RPS6KC1: variants seen among roughly 807,000 people sequenced by gnomAD.
RPS6KC1 encodes the protein ribosomal protein S6 kinase C1.
In RPS6KC1, 54 loss-of-function variants were observed where a neutral mutation model predicts 103.8. The observed-to-expected ratio is 0.52, with a 90% CI of 0.42 to 0.65. The LOEUF (loss-of-function observed/expected upper bound fraction) is 0.65, where lower values mean the gene tolerates loss of function less well. RPS6KC1 is among the 30% of genes least tolerant of loss of function. RPS6KC1 has a pLI of 0.00. For missense variants in RPS6KC1, 1,151 were observed against 1,253.8 expected (o/e 0.92, Z 1.24); for synonymous variants, 439 against 438.7 (o/e 1.00, Z -0.01).
chr1:213,464,213 C>A, the RPS6KC1 span, among the ~76,000 whole-genome samples: 2 of 152,158 alleles, frequency 1.3e-5, no homozygotes, highest in African/African-American at 4.8e-5. Context: ...TTCATAAAAT[C>A]AGTTTAGTAG....
At chr1:213,552,591 A>G in the RPS6KC1 span, among the ~76,000 whole-genome samples, 1 of 152,112 alleles carries the variant, frequency 6.6e-6, no homozygotes, top group South Asian at 2.1e-4. Flanking sequence ...TATTTGGGTA[A>G]CCTTTATTAA....
the RPS6KC1 span, among the ~76,000 whole-genome samples, chr1:213,828,690 C>T: frequency 6.6e-6 from 1 of 152,104 alleles, no homozygotes; most frequent in African/African-American, 2.4e-5. Context: ...TGGCCCAACC[C>T]CTCACACTGG....
Position 213,274,175 on chromosome 1 carries a change from A to G in RPS6KC1, c.*1541A>G, listed in dbSNP as rs2095098168. 6.6e-6 allele frequency: 1 copy of G among 152,236 alleles called. No individual in the cohort carries two copies. The highest frequency in any genetic ancestry group is 1.5e-5 in the Non-Finnish European group (1 of 68,052). The allele number at this position is 152,236 out of a possible 1,614,324, so 9.4% of individuals were successfully genotyped here. A position where few individuals can be genotyped will look rare whatever the true frequency, so the allele number is the denominator to read the frequency against. Reference sequence around the variant, plus strand: ...ACACCAGGTTGGGGAGCAGGTCACCAGGATCATAGTTCAGTCAAAATGACA... The same window carrying G: ...ACACCAGGTTGGGGAGCAGGTCACCGGGATCATAGTTCAGTCAAAATGACA... On this transcript the variant is annotated 3_prime_UTR_variant, in exon 15 of 15. Coordinates refer to ENST00000366960, the MANE Select transcript of RPS6KC1 (RefSeq NM_012424.6).
chr1:213,525,902 G>A, the RPS6KC1 span, among the ~76,000 whole-genome samples: 1 of 152,202 alleles, frequency 6.6e-6, no homozygotes, highest in African/African-American at 2.4e-5. Context: ...TAAGAGGACA[G>A]AAAGTGGAAA....
At chr1:213,425,973 A>G in the RPS6KC1 span, among the ~76,000 whole-genome samples, 63,474 of 151,956 alleles carry the variant, frequency 0.42, 13,922 homozygotes, top group East Asian at 0.56. Flanking sequence ...GGTGTCCTCG[A>G]GAGAGAATAA....
chr1:213,349,972 C>T, the RPS6KC1 span, among the ~76,000 whole-genome samples: 1 of 152,146 alleles, frequency 6.6e-6, no homozygotes, highest in Non-Finnish European at 1.5e-5. Context: ...CTGTCTCACC[C>T]AACTCATGGC....
At chr1:213,456,681 C>T in the RPS6KC1 span, among the ~76,000 whole-genome samples, 1 of 152,156 alleles carries the variant, frequency 6.6e-6, no homozygotes, top group South Asian at 2.1e-4. Flanking sequence ...TTTAATTTGC[C>T]TATTAAAATG....
chr1:213,833,841 T>C, the RPS6KC1 span, among the ~76,000 whole-genome samples: 1 of 152,232 alleles, frequency 6.6e-6, no homozygotes, highest in East Asian at 1.9e-4. Flanking sequence ...ACCATGTGGG[T>C]GGAAAACTTT....
the RPS6KC1 span, among the ~76,000 whole-genome samples, chr1:213,485,089 CTCCTGGGCTCAAGCAATCCTCCCA>C: frequency 1.3e-5 from 2 of 152,174 alleles, no homozygotes; most frequent in Non-Finnish European, 2.9e-5. Flanking sequence ...TGGTCTTGAA[CTCCTGGGCTCAAGCAATCCTCCCA>C]TCCTGGCCTC....
the RPS6KC1 span, among the ~76,000 whole-genome samples, chr1:213,650,364 TTAAC>T: frequency 6.6e-6 from 1 of 152,164 alleles, no homozygotes; most frequent in Non-Finnish European, 1.5e-5. Context: ...TACCATGCCT[TTAAC>T]TAAATAGTCA....
the RPS6KC1 span, among the ~76,000 whole-genome samples, chr1:213,700,261 T>TGCACATAAATATCCTGTTTTCCC: frequency 1.1e-4 from 17 of 152,262 alleles, no homozygotes; most frequent in Non-Finnish European, 2.1e-4. Flanking sequence ...TTTGTTTTTC[T>TGCACATAAATATCCTGTTTTCCC]GCACATAAAT....
At chr1:213,256,640 T>C (rs1323659004) in intron 12 of RPS6KC1, among the ~76,000 whole-genome samples, 1 of 152,178 alleles carries the variant, frequency 6.6e-6, no homozygotes, top group Non-Finnish European at 1.5e-5. Flanking sequence ...ACAGGCTTCC[T>C]CTAGGGGATT....
chr1:213,810,968 G>A, the RPS6KC1 span, among the ~76,000 whole-genome samples: 1 of 152,144 alleles, frequency 6.6e-6, no homozygotes, highest in East Asian at 1.9e-4. Context: ...TTACTTCCAT[G>A]GGCAAGAATG....
At chr1:213,409,154 C>T in the RPS6KC1 span, among the ~76,000 whole-genome samples, 2 of 152,106 alleles carry the variant, frequency 1.3e-5, no homozygotes, top group Non-Finnish European at 2.9e-5. Context: ...ACTGCCTTTC[C>T]AGGGCAGGTC....
chr1:213,523,061 T>G, the RPS6KC1 span, among the ~76,000 whole-genome samples: 1 of 152,250 alleles, frequency 6.6e-6, no homozygotes, highest in Admixed American at 6.5e-5. Context: ...AAGTGAGAGA[T>G]ACACAATTTT....
At chr1:213,646,383 T>C in the RPS6KC1 span, among the ~76,000 whole-genome samples, 1 of 152,076 alleles carries the variant, frequency 6.6e-6, no homozygotes, top group Admixed American at 6.5e-5. Flanking sequence ...TAGAAGATGA[T>C]AGAAAGTAGA....
chr1:213,831,291 T>G, the RPS6KC1 span, among the ~76,000 whole-genome samples: 1 of 152,354 alleles, frequency 6.6e-6, no homozygotes. Flanking sequence ...ATTATCAAGG[T>G]TGACTCAATC....
chr1:213,077,970 C>T (rs2079500436), intron 3 of RPS6KC1, among the ~76,000 whole-genome samples, 154 bp downstream of exon 3: 1 of 151,984 alleles, frequency 6.6e-6, no homozygotes, highest in Admixed American at 6.6e-5. Context: ...TTTTCTTGTT[C>T]TTGTTATAGT....
the RPS6KC1 span, among the ~76,000 whole-genome samples, chr1:213,484,053 G>GAC: frequency 1.3e-5 from 2 of 152,114 alleles, no homozygotes; most frequent in African/African-American, 4.8e-5. Context: ...ATATAGGTGA[G>GAC]ACTCTCTCTT....
Sources: allele counts gnomAD v4.1 joint callset (sites outside exome capture counted in the v4.1 genomes callset), GRCh38; gene constraint gnomAD v4.1.1; transcripts MANE v1.5; gene names NCBI Gene and HGNC (gene_info 2026-07-23, HGNC 2026-07-21).